The following PBX2 variants were observed in gnomAD, a reference collection of about 807,000 sequenced individuals.
PBX2 encodes pre-B-cell leukemia transcription factor 2.
A neutral mutation model predicts 46.5 loss-of-function variants in PBX2; 10 were observed. The observed-to-expected ratio is 0.21, with a 90% CI of 0.13 to 0.36. PBX2 has a LOEUF of 0.36. PBX2 is among the 10% of genes least tolerant of loss of function. PBX2 has a pLI of 1.00. For missense variants in PBX2, 392 were observed against 580.5 expected (o/e 0.68, Z 3.34); for synonymous variants, 160 against 222.5 (o/e 0.72, Z 2.50).
In PBX2 at chr6:32,186,978, G is replaced by C; in HGVS notation, c.1025-77C>G. 2 of 1,300,944 alleles carry C rather than the reference G, an allele frequency of 1.5e-6. No homozygotes were observed. The highest frequency in any genetic ancestry group is 1.8e-5 in the Admixed American group (1 of 56,884). The allele number at this position is 1,300,944 out of a possible 1,614,324, so 80.6% of individuals were successfully genotyped here. On this transcript the variant is annotated intron_variant, in intron 6 of 8. Coordinates refer to ENST00000375050, the MANE Select transcript of PBX2 (RefSeq NM_002586.5). This position sits in a 1 kb window ranked among gnomAD's most constrained non-coding sequence, Gnocchi z 4.2. ...TGAACCACAACTCTCAACTCTTGTG[G>C]GGACATGCTACTATACTCCAATTAT...
Position 32,188,202 on chromosome 6 carries a change from T to A in PBX2, c.544-46A>T, listed in dbSNP as rs1379816316. 1.2e-6 allele frequency: 2 copies of A among 1,603,146 alleles called. No individual in the cohort carries two copies. The highest frequency in any genetic ancestry group is 2.2e-5 in the South Asian group (2 of 89,830). On this transcript the variant is annotated intron_variant, in intron 3 of 8. Transcript: ENST00000375050. This position sits in a 1 kb window ranked among gnomAD's most constrained non-coding sequence, Gnocchi z 6.5. ...CTGGTGAGGAGGAGCCCTTTGACCA[T>A]GGGATTCCCCTGCAAGAGCCCTTCC...
chr6:32,185,681 GTTTC>G lies in PBX2; in HGVS notation c.*697_*700del, dbSNP rs141657195. On this transcript the variant is annotated 3_prime_UTR_variant, in exon 9 of 9. Coordinates refer to ENST00000375050, the MANE Select transcript of PBX2 (RefSeq NM_002586.5). Reference sequence around the variant, plus strand: ...ACAAAAAAAACAGATGGATCCCAGGGTTTCTTTTTCTTTCTTTAAAAAAAAAAAA... The same window carrying G: ...ACAAAAAAAACAGATGGATCCCAGGGTTTTTCTTTCTTTAAAAAAAAAAAA... The G allele has an allele frequency of 0.051, 7,629 of 149,896 alleles. 328 individuals carry two copies. Among genetic ancestry groups the G allele is most frequent in the African/African-American group, 0.11 (4,633 of 40,900 alleles). The allele number at this position is 149,896 out of a possible 1,614,324, so 9.3% of individuals were successfully genotyped here. A position where few individuals can be genotyped will look rare whatever the true frequency, so the allele number is the denominator to read the frequency against.
At position 32,189,861 on chromosome 6, in the gene PBX2, C is replaced by T. The variant is rs762688667; in HGVS notation, c.55G>A (p.Gly19Arg). ...CCCCCAGGCTCCCCACTCACCAATC[C>T]CAGGCCCCCCCGGCCCCCGCCTGGA... Reference protein sequence around the residue: ...PPPGGGRGGLGLVSGEPGGPG... With the variant: ...PPPGGGRGGLRLVSGEPGGPG... Residue 19 changes from glycine to arginine, a missense_variant, in exon 1 of 9, where the codon GGA becomes AGA. Physicochemically the swap from Gly to Arg is moderately radical, Grantham distance 125. This residue lies in a region of PBX2 where 196 missense variants were observed against 246.9 expected (regional missense o/e 0.79). Coordinates refer to ENST00000375050, the MANE Select transcript of PBX2 (RefSeq NM_002586.5). This position sits in a 1 kb window ranked among gnomAD's most constrained non-coding sequence, Gnocchi z 4.7. 6.6e-6 allele frequency: 10 copies of T among 1,516,144 alleles called. No individual in the cohort carries two copies. The South Asian group carries it at 1.1e-4, about 17-fold the overall frequency. 93.9% of individuals were successfully genotyped at this position (1,516,144 alleles called of 1,614,324 possible).
In PBX2 at chr6:32,186,060, G is replaced by A. The variant is rs912280176; in HGVS notation, c.*322C>T. On this transcript the variant is annotated 3_prime_UTR_variant, in exon 9 of 9. Transcript: ENST00000375050. This position sits in a 1 kb window ranked among gnomAD's most constrained non-coding sequence, Gnocchi z 4.2. ...GTATGTGTGTGTGAGGTGTGGGAGAGGGAGAGAGAAAGACAGAGGAGAAAA... is the reference window on the plus strand; with the variant it reads ...GTATGTGTGTGTGAGGTGTGGGAGAAGGAGAGAGAAAGACAGAGGAGAAAA... The A allele has an allele frequency of 8.3e-6, 3 of 359,360 alleles. No homozygotes were observed. Among genetic ancestry groups the A allele is most frequent in the South Asian group, 8.6e-5 (2 of 23,212 alleles). The allele number at this position is 359,360 out of a possible 1,614,324, so 22.3% of individuals were successfully genotyped here. A position where few individuals can be genotyped will look rare whatever the true frequency, so the allele number is the denominator to read the frequency against.
At position 32,186,162 on chromosome 6, in the gene PBX2, A is replaced by C; in HGVS notation, c.*220T>G. 5.2e-6 allele frequency: 3 copies of C among 573,348 alleles called. No homozygotes were observed. The East Asian group carries it at 8.6e-5, about 16-fold the overall frequency. The allele number at this position is 573,348 out of a possible 1,614,324, so 35.5% of individuals were successfully genotyped here. A position where few individuals can be genotyped will look rare whatever the true frequency, so the allele number is the denominator to read the frequency against. ...GAAAGCGAGAGAGGAAAAAGATGGA[A>C]AAAAGGGAGAGACAGACCCCACACT... On this transcript the variant is annotated 3_prime_UTR_variant, in exon 9 of 9. Coordinates refer to ENST00000375050, the MANE Select transcript of PBX2 (RefSeq NM_002586.5). The surrounding 1 kb of genome is among the most constrained non-coding windows in gnomAD (Gnocchi z 4.2).
chr6:32,190,104 C>T lies in PBX2; in HGVS notation c.-189G>A, dbSNP rs1284102038. On this transcript the variant is annotated 5_prime_UTR_variant, in exon 1 of 9. Coordinates refer to ENST00000375050, the MANE Select transcript of PBX2 (RefSeq NM_002586.5). ...GACCTGGGATACCGGCTGGGCCCCC[C>T]ACAGGAGACCCCGGCCCCCGGCGGC... The T allele has an allele frequency of 2.3e-6, 1 of 442,802 alleles. No homozygotes were observed. The highest frequency in any genetic ancestry group is 4.0e-6 in the Non-Finnish European group (1 of 251,778). The allele number at this position is 442,802 out of a possible 1,614,324, so 27.4% of individuals were successfully genotyped here.
At position 32,188,401 on chromosome 6, in the gene PBX2, C is replaced by G; in HGVS notation, c.399G>C (p.Gly133=). 3 of 1,614,164 alleles carry G rather than the reference C, an allele frequency of 1.9e-6. No homozygotes were observed. The highest frequency in any genetic ancestry group is 2.5e-6 in the Non-Finnish European group (3 of 1,180,044). The change falls in exon 3 of 9, where the codon GGG becomes GGC. Residue 133 remains glycine (G), a synonymous_variant. Coordinates refer to ENST00000375050, the MANE Select transcript of PBX2 (RefSeq NM_002586.5). This position sits in a 1 kb window ranked among gnomAD's most constrained non-coding sequence, Gnocchi z 6.5. The part of the protein sequence containing the change: ...LAEGVAGPEK[G]GGSAAAAAAA... The stretch of plus-strand genomic sequence containing the variant: ...CTGCAGCTGCTGCTGCTGAGCCGCC[C>G]CCTTTCTCGGGCCCAGCCACACCCT...
chr6:32,187,710 G>T lies in PBX2; in HGVS notation c.807C>A (p.Asn269Lys). The T allele has an allele frequency of 6.2e-7, 1 of 1,610,212 alleles. No individual in the cohort carries two copies. Among genetic ancestry groups the T allele is most frequent in the Non-Finnish European group, 8.5e-7 (1 of 1,178,762 alleles). Residue 269 changes from asparagine to lysine, a missense_variant, in exon 5 of 9, where the codon AAC (asparagine) becomes AAA (lysine). By Grantham distance (94) the Asn-to-Lys change is moderately conservative. Around this residue, in one of 3 missense-constraint regions of PBX2, gnomAD observed 80 missense variants for 175.7 expected, o/e 0.46. Transcript: ENST00000375050. The surrounding 1 kb of genome is among the most constrained non-coding windows in gnomAD (Gnocchi z 7.7). ...CCTTGGCCTCCTCACTAGGATATGG[G>T]TTACTCAGGTGGGAGTAGAAATACT... ...LNEYFYSHLS[N>K]PYPSEEAKEE...
chr6:32,188,380 A>G lies in PBX2; in HGVS notation c.420T>C (p.Ala140=). 9 of 1,613,996 alleles carry G rather than the reference A, an allele frequency of 5.6e-6. No homozygotes were observed. The highest frequency in any genetic ancestry group is 7.6e-6 in the Non-Finnish European group (9 of 1,180,006). Residue 140 remains alanine, a synonymous_variant, in exon 3 of 9, where the codon GCT becomes GCC. Transcript: ENST00000375050. This position sits in a 1 kb window ranked among gnomAD's most constrained non-coding sequence, Gnocchi z 6.5. The part of the protein sequence containing the change: ...PEKGGGSAAA[A]AAAAASGGGV... ...CACCACCAGAGGCTGCAGCGGCTGC[A>G]GCTGCTGCTGCTGAGCCGCCCCCTT...
rs1052580871 is a variant in PBX2, at chr6:32,187,561, T to C, written c.870+86A>G. 1.1e-4 allele frequency: 163 copies of C among 1,524,534 alleles called. 1 individual carries two copies. The highest frequency in any genetic ancestry group is 1.3e-4 in the Non-Finnish European group (152 of 1,127,560). 94.4% of individuals were successfully genotyped at this position (1,524,534 alleles called of 1,614,324 possible). A position where few individuals can be genotyped will look rare whatever the true frequency, so the allele number is the denominator to read the frequency against. ...GATCCTCCCACTTCAGCCTCCCTAGTAGCTGGGATTACAGGAACACACCAC... is the reference window on the plus strand; with the variant it reads ...GATCCTCCCACTTCAGCCTCCCTAGCAGCTGGGATTACAGGAACACACCAC... On this transcript the variant is annotated intron_variant, in intron 5 of 8. Coordinates refer to ENST00000375050, the MANE Select transcript of PBX2 (RefSeq NM_002586.5). The surrounding 1 kb of genome is among the most constrained non-coding windows in gnomAD (Gnocchi z 7.7).
At position 32,187,936 on chromosome 6, in the gene PBX2, TG is replaced by T. The variant is rs1787215885; in HGVS notation, c.734+29del. 2 of 1,525,246 alleles carry T rather than the reference TG, an allele frequency of 1.3e-6. No homozygotes were observed. The highest frequency in any genetic ancestry group is 2.0e-5 in the Admixed American group (1 of 49,244). 94.5% of individuals were successfully genotyped at this position (1,525,246 alleles called of 1,614,324 possible). The stretch of plus-strand genomic sequence containing the variant: ...AGAGGAATGGGAAGGAGCCCAGTGC[TG>T]GGGGCCAGCCTGGGGTCCCTGGGCC... On this transcript the variant is annotated intron_variant, in intron 4 of 8. Coordinates refer to ENST00000375050, the MANE Select transcript of PBX2 (RefSeq NM_002586.5). This position sits in a 1 kb window ranked among gnomAD's most constrained non-coding sequence, Gnocchi z 7.7.
chr6:32,187,936 T>C lies in PBX2; in HGVS notation c.734+30A>G, dbSNP rs767736489. 4 of 1,525,250 alleles carry C rather than the reference T, an allele frequency of 2.6e-6. No homozygotes were observed. The African/African-American group carries it at 5.5e-5, about 21-fold the overall frequency. The allele number at this position is 1,525,250 out of a possible 1,614,324, so 94.5% of individuals were successfully genotyped here. On this transcript the variant is annotated intron_variant, in intron 4 of 8. Transcript: ENST00000375050. The surrounding 1 kb of genome is among the most constrained non-coding windows in gnomAD (Gnocchi z 7.7). The stretch of plus-strand genomic sequence containing the variant: ...AGAGGAATGGGAAGGAGCCCAGTGC[T>C]GGGGGCCAGCCTGGGGTCCCTGGGC...
In PBX2 at chr6:32,189,931, C is replaced by T; in HGVS notation, c.-16G>A. 1 of 1,119,224 alleles carries T rather than the reference C, an allele frequency of 8.9e-7. No homozygotes were observed. The highest frequency in any genetic ancestry group is 1.2e-6 in the Non-Finnish European group (1 of 824,096). 69.3% of individuals were successfully genotyped at this position (1,119,224 alleles called of 1,614,324 possible). On this transcript the variant is annotated 5_prime_UTR_variant, in exon 1 of 9. Coordinates refer to ENST00000375050, the MANE Select transcript of PBX2 (RefSeq NM_002586.5). The surrounding 1 kb of genome is among the most constrained non-coding windows in gnomAD (Gnocchi z 4.7). ...GTTCGTCCATAGCTGGGGGGGGGCC[C>T]TGAGGCCCCCTCCCTGCTCCGCCCC...
chr6:32,188,347 G>C lies in PBX2; in HGVS notation c.453C>G (p.Ser151=). 6.2e-7 allele frequency: 1 copy of C among 1,614,160 alleles called. No individual in the cohort carries two copies. The highest frequency in any genetic ancestry group is 8.5e-7 in the Non-Finnish European group (1 of 1,180,036). ...CCGAGTGTTCGATGGAGTTGTCAGG[G>C]GACACACCACCACCAGAGGCTGCAG... ...AAAAASGGGV[S]PDNSIEHSDY... The change falls in exon 3 of 9, where the codon TCC becomes TCG. Residue 151 remains serine, a synonymous_variant. Transcript: ENST00000375050. This position sits in a 1 kb window ranked among gnomAD's most constrained non-coding sequence, Gnocchi z 6.5.
At position 32,186,353 on chromosome 6, in the gene PBX2, C is replaced by T. The variant is rs750448225; in HGVS notation, c.*29G>A. 3.2e-5 allele frequency: 48 copies of T among 1,501,382 alleles called. No individual in the cohort carries two copies. The East Asian group carries it at 1.1e-3, about 34-fold the overall frequency. 93.0% of individuals were successfully genotyped at this position (1,501,382 alleles called of 1,614,324 possible). On this transcript the variant is annotated 3_prime_UTR_variant, in exon 9 of 9. Coordinates refer to ENST00000375050, the MANE Select transcript of PBX2 (RefSeq NM_002586.5). The surrounding 1 kb of genome is among the most constrained non-coding windows in gnomAD (Gnocchi z 4.2). ...CCTCTTCAAGTCGCCTTGTGAGAGC[C>T]CCCACCCCTGTGACCCTGAGGGGCA... is the stretch of plus-strand genomic sequence containing the variant.
chr6:32,186,773 G>C lies in PBX2; in HGVS notation c.1113+40C>G. Reference sequence around the variant, plus strand: ...TGTATCCTAAAGTAGAGGAAATGGAGTTGGGGAAAGCCCTATTCGAGAGGA... The same window carrying C: ...TGTATCCTAAAGTAGAGGAAATGGACTTGGGGAAAGCCCTATTCGAGAGGA... On this transcript the variant is annotated intron_variant, in intron 7 of 8. Transcript: ENST00000375050. This position sits in a 1 kb window ranked among gnomAD's most constrained non-coding sequence, Gnocchi z 4.2. 1 of 1,601,466 alleles carries C rather than the reference G, an allele frequency of 6.2e-7. No individual in the cohort carries two copies.
At position 32,186,450 on chromosome 6, in the gene PBX2, C is replaced by T; in HGVS notation, c.1225G>A (p.Val409Met). ...GGGGATGTCACTGAAGAGGGGGTCACAGCCTCTTGCCAGCTGCCATTTGCC... is the reference window on the plus strand; with the variant it reads ...GGGGATGTCACTGAAGAGGGGGTCATAGCCTCTTGCCAGCTGCCATTTGCC... Reference protein sequence around the residue: ...MRANGSWQEAVTPSSVTSPTE... With the variant: ...MRANGSWQEAMTPSSVTSPTE... Residue 409 changes from valine to methionine, a missense_variant, in exon 9 of 9, where the codon GTG (valine) becomes ATG (methionine). Around this residue, in one of 3 missense-constraint regions of PBX2, gnomAD observed 116 missense variants for 157.9 expected, o/e 0.73. Coordinates refer to ENST00000375050, the MANE Select transcript of PBX2 (RefSeq NM_002586.5). This position sits in a 1 kb window ranked among gnomAD's most constrained non-coding sequence, Gnocchi z 4.2. The T allele has an allele frequency of 1.2e-6, 2 of 1,613,400 alleles. No individual in the cohort carries two copies. Among genetic ancestry groups the T allele is most frequent in the Non-Finnish European group, 1.7e-6 (2 of 1,179,826 alleles).
In PBX2 at chr6:32,189,404, G is replaced by A. The variant is rs1366409157; in HGVS notation, c.221+291C>T. On this transcript the variant is annotated intron_variant, in intron 1 of 8. Coordinates refer to ENST00000375050, the MANE Select transcript of PBX2 (RefSeq NM_002586.5). The surrounding 1 kb of genome is among the most constrained non-coding windows in gnomAD (Gnocchi z 4.7). Reference sequence around the variant, plus strand: ...CCAAGAACAGTTTCTTAGTCTGGGAGCCAGAGGGGGCTCCCGGGGATGGGG... The same window carrying A: ...CCAAGAACAGTTTCTTAGTCTGGGAACCAGAGGGGGCTCCCGGGGATGGGG... Among the ~76,000 whole-genome samples, 1 of 152,110 alleles carries A rather than the reference G, an allele frequency of 6.6e-6. No homozygotes were observed. Among genetic ancestry groups the A allele is most frequent in the Non-Finnish European group, 1.5e-5 (1 of 67,988 alleles).
At position 32,190,114 on chromosome 6, in the gene PBX2, C is replaced by G; in HGVS notation, c.-199G>C. On this transcript the variant is annotated 5_prime_UTR_variant, in exon 1 of 9. Transcript: ENST00000375050. ...ACCGGCTGGGCCCCCCACAGGAGAC[C>G]CCGGCCCCCGGCGGCGGAGAAAATG... The G allele has an allele frequency of 2.4e-6, 1 of 422,644 alleles. No homozygotes were observed. Among genetic ancestry groups the G allele is most frequent in the Non-Finnish European group, 4.2e-6 (1 of 239,318 alleles). 26.2% of individuals were successfully genotyped at this position (422,644 alleles called of 1,614,324 possible). A position where few individuals can be genotyped will look rare whatever the true frequency, so the allele number is the denominator to read the frequency against.
Sources: gnomAD v4.1 joint callset for allele counts (sites outside exome capture counted in the v4.1 genomes callset) on GRCh38, gnomAD v4.1.1 for gene constraint, gnomAD v4.1.1 regional missense constraint, Gnocchi (gnomAD v3.1) non-coding constraint, MANE v1.5 for transcripts, NCBI Gene and HGNC (gene_info 2026-07-23, HGNC 2026-07-21) for gene names.